The following CARS2 variants were observed in gnomAD, a reference collection of about 807,000 sequenced individuals.
CARS2 encodes the protein probable cysteine--tRNA ligase, mitochondrial.
A neutral mutation model predicts 68.8 loss-of-function variants in CARS2; 52 were observed. The observed-to-expected ratio is 0.76, with a 90% CI of 0.61 to 0.95. CARS2 has a LOEUF of 0.95. Among genes scored for constraint, CARS2 ranks in the 40% least tolerant of loss-of-function variants. The pLI is 0.00. For missense variants in CARS2, 780 were observed against 754.2 expected, an observed-to-expected ratio of 1.03 and a Z score of -0.40; for synonymous variants, 314 against 303.6, an observed-to-expected ratio of 1.03 and a Z score of -0.36.
Position 110,657,873 on chromosome 13 carries a change from G to A in CARS2, c.987+5578C>T, listed in dbSNP as rs77918976. Among the ~76,000 whole-genome samples the A allele has an allele frequency of 5.7e-3, 865 of 152,244 alleles. 19 individuals carry two copies. In the South Asian group the frequency reaches 0.058, roughly 10 times the overall value. On this transcript the variant is annotated intron_variant, in intron 9 of 14. Transcript: ENST00000257347. ...ATGGTAAAACTCACCATCATGAATCGTAGGACAACCTGACCTTGCAGCCCC... is the reference window on the plus strand; with the variant it reads ...ATGGTAAAACTCACCATCATGAATCATAGGACAACCTGACCTTGCAGCCCC...
chr13:110,645,717 A>G, intron 12 of CARS2: 1 of 452,356 alleles, frequency 2.2e-6, no homozygotes, highest in Non-Finnish European at 3.9e-6. Context: ...AAGCACACAG[A>G]ATTTCTCAGC....
chr13:110,644,145 T>C (rs1022245600), intron 13 of CARS2: 3 of 1,416,702 alleles, frequency 2.1e-6, no homozygotes, highest in African/African-American at 2.8e-5. Context: ...GTTGCTGAGA[T>C]GGACTCATCT....
intron 9 of CARS2, among the ~76,000 whole-genome samples, chr13:110,663,238 G>C (rs961343559): frequency 6.6e-6 from 1 of 152,168 alleles, no homozygotes; most frequent in Non-Finnish European, 1.5e-5. Context: ...CCAAGAAAGG[G>C]ACTGCGGAAA....
intron 1 of CARS2, among the ~76,000 whole-genome samples, chr13:110,711,886 C>A (rs2064031548): frequency 6.6e-6 from 1 of 152,226 alleles, no homozygotes; most frequent in Admixed American, 6.5e-5. Flanking sequence ...TAATAATCTA[C>A]TCTATAAATA....
chr13:110,670,578 G>C lies in CARS2; in HGVS notation c.786-3105C>G, dbSNP rs929294530. 6.6e-6 allele frequency among the ~76,000 whole-genome samples: 1 copy of C among 152,084 alleles called. No individual in the cohort carries two copies. The highest frequency in any genetic ancestry group is 2.4e-5 in the African/African-American group (1 of 41,414). On this transcript the variant is annotated intron_variant, in intron 7 of 14. Transcript: ENST00000257347. This position sits in a 1 kb window ranked among gnomAD's most constrained non-coding sequence, Gnocchi z 4.1. ...TATGTCACCACCATCAAAGACCAAA[G>C]GTAGACAAAAACCACAAAGATGGGG...
chr13:110,648,094 T>G (rs1321149089), intron 10 of CARS2, among the ~76,000 whole-genome samples: 1 of 152,212 alleles, frequency 6.6e-6, no homozygotes, highest in Non-Finnish European at 1.5e-5. Context: ...AAATCAGACA[T>G]GGCTTCAAGC....
At chr13:110,682,989 C>G (rs1392275247) in intron 6 of CARS2, 62 bp downstream of exon 6, 2 of 1,203,464 alleles carry the variant, frequency 1.7e-6, no homozygotes, top group Non-Finnish European at 2.4e-6. Context: ...GATCTCATCT[C>G]CCCAGAGCTG....
At position 110,676,976 on chromosome 13, in the gene CARS2, A is replaced by T. The variant is rs766397546; in HGVS notation, c.783T>A (p.Ala261=). ...CCAGGAAGCGGCAGGCACCTTACCTAGCGATGGCAGAGCACTCGATGTGCC... is the reference window on the plus strand; with the variant it reads ...CCAGGAAGCGGCAGGCACCTTACCTTGCGATGGCAGAGCACTCGATGTGCC... ...PGWHIECSAI[A]SMVFGSQLDI... The change falls in exon 7 of 15, where the codon GCT becomes GCA. Residue 261 remains alanine (A), a splice_region_variant and synonymous_variant. Coordinates refer to ENST00000257347, the MANE Select transcript of CARS2 (RefSeq NM_024537.4). This position sits in a 1 kb window ranked among gnomAD's most constrained non-coding sequence, Gnocchi z 4.0. The T allele has an allele frequency of 6.4e-7, 1 of 1,568,034 alleles. No individual in the cohort carries two copies. Among genetic ancestry groups the T allele is most frequent in the Non-Finnish European group, 8.7e-7 (1 of 1,150,710 alleles).
rs140063521 is a variant in CARS2, at chr13:110,692,385, C to A, written c.394-4367G>T. 1.7e-3 allele frequency among the ~76,000 whole-genome samples: 258 copies of A among 151,676 alleles called. 6 individuals carry two copies. In the East Asian group the frequency reaches 0.046, roughly 27 times the overall value. ...ACTCGGGAGGCTGAGGCAGGAGAATCGCCTGAACCCGGGAGGCGGAGGTTG... is the reference window on the plus strand; with the variant it reads ...ACTCGGGAGGCTGAGGCAGGAGAATAGCCTGAACCCGGGAGGCGGAGGTTG... On this transcript the variant is annotated intron_variant, in intron 3 of 14. Transcript: ENST00000257347.
At chr13:110,673,829 C>A (rs1395354286) in intron 7 of CARS2, among the ~76,000 whole-genome samples, 2 of 152,090 alleles carry the variant, frequency 1.3e-5, no homozygotes, top group East Asian at 3.9e-4. Flanking sequence ...CATCTCAGCC[C>A]AAAATCTCCT....
In CARS2 at chr13:110,646,630, G is replaced by T. The variant is rs143106334; in HGVS notation, c.1193+471C>A. Reference sequence around the variant, plus strand: ...AGTGGAGGCGATGCTGTGGGCCCAGGCCTGTGTGTTTTATAGATTTTGGCT... The same window carrying T: ...AGTGGAGGCGATGCTGTGGGCCCAGTCCTGTGTGTTTTATAGATTTTGGCT... On this transcript the variant is annotated intron_variant, in intron 11 of 14. Transcript: ENST00000257347. The T allele has an allele frequency of 5.3e-3, 883 of 165,318 alleles. 9 individuals carry two copies. The highest frequency in any genetic ancestry group is 0.019 in the African/African-American group (813 of 41,878). The allele number at this position is 165,318 out of a possible 1,614,324, so 10.2% of individuals were successfully genotyped here.
At chr13:110,659,935 G>C (rs1347251596) in intron 9 of CARS2, among the ~76,000 whole-genome samples, 1 of 152,174 alleles carries the variant, frequency 6.6e-6, no homozygotes, top group Admixed American at 6.5e-5. Flanking sequence ...TTTCTCTGTA[G>C]CATCCAATGT....
At position 110,642,403 on chromosome 13, in the gene CARS2, C is replaced by G. The variant is rs200491395; in HGVS notation, c.1535G>C (p.Arg512Pro). The change falls in exon 14 of 15, where the codon CGG becomes CCG. Residue 512 changes from arginine to proline, a missense_variant. By Grantham distance (103) the Arg-to-Pro change is moderately radical. Transcript: ENST00000257347. The stretch of plus-strand genomic sequence containing the variant: ...CTGCCTTTCTAGGAGCTGCTGCCGC[C>G]GGGCGTCCCCCGTGGCCTCGGGCAT... ...LAMPEATGDA[R>P]RQQLLERQPL... The G allele has an allele frequency of 1.9e-6, 3 of 1,582,326 alleles. No individual in the cohort carries two copies. Among genetic ancestry groups the G allele is most frequent in the Non-Finnish European group, 2.6e-6 (3 of 1,164,072 alleles).
In CARS2 at chr13:110,685,781, G is replaced by A. The variant is rs1371211569; in HGVS notation, c.571+1940C>T. ...CAGGGTTTGCAGCCAGGATGGGTGG[G>A]ATTTAGTTCGGATTTATGGCGATGC... On this transcript the variant is annotated intron_variant, in intron 5 of 14. Coordinates refer to ENST00000257347, the MANE Select transcript of CARS2 (RefSeq NM_024537.4). 2.6e-5 allele frequency among the ~76,000 whole-genome samples: 4 copies of A among 152,174 alleles called. No homozygotes were observed. In the East Asian group the frequency reaches 7.7e-4, roughly 29 times the overall value.
At chr13:110,643,051 C>T in intron 13 of CARS2, 1 of 317,910 alleles carries the variant, frequency 3.1e-6, no homozygotes, top group South Asian at 2.6e-5. Flanking sequence ...TTTGTTAAAT[C>T]CATGTGTGTA....
At chr13:110,690,772 C>T (rs1409409634) in intron 3 of CARS2, among the ~76,000 whole-genome samples, 1 of 152,226 alleles carries the variant, frequency 6.6e-6, no homozygotes, top group Non-Finnish European at 1.5e-5. Flanking sequence ...GCCAGCTACA[C>T]CCGACCAGCA....
chr13:110,689,321 T>C (rs1166107216), intron 3 of CARS2, among the ~76,000 whole-genome samples: 1 of 152,210 alleles, frequency 6.6e-6, no homozygotes, highest in Non-Finnish European at 1.5e-5. Context: ...CCACGCAGCC[T>C]CGGGAACCAA....
At chr13:110,711,810 C>A (rs1027715802) in intron 1 of CARS2, among the ~76,000 whole-genome samples, 1 of 152,240 alleles carries the variant, frequency 6.6e-6, no homozygotes, top group African/African-American at 2.4e-5. Flanking sequence ...AATTCAGTCT[C>A]TTTGCCGTAC....
chr13:110,652,798 T>C (rs1349957847), intron 9 of CARS2, among the ~76,000 whole-genome samples: 2 of 151,012 alleles, frequency 1.3e-5, no homozygotes, highest in Non-Finnish European at 3.0e-5. Context: ...AGAGAGAAGG[T>C]GGGAGGGCGG....
Sources: gnomAD v4.1 joint callset for allele counts (sites outside exome capture counted in the v4.1 genomes callset) on GRCh38, gnomAD v4.1.1 for gene constraint, Gnocchi (gnomAD v3.1) non-coding constraint, MANE v1.5 for transcripts, NCBI Gene and HGNC (gene_info 2026-07-23, HGNC 2026-07-21) for gene names.